The following ADAMTSL1 variants were observed in gnomAD, a reference collection of about 807,000 sequenced individuals.
ADAMTSL1 encodes the protein ADAMTS-like protein 1.
A neutral mutation model predicts 201.8 loss-of-function variants in ADAMTSL1; 126 were observed. The observed-to-expected ratio is 0.62, with a 90% confidence interval of 0.54 to 0.72. The LOEUF is 0.72. ADAMTSL1 is among the 30% of genes least tolerant of loss of function. The pLI is 0.00. For synonymous variants in ADAMTSL1, 1,121 were observed against 903.4 expected, an observed-to-expected ratio of 1.24 and a Z score of -4.32; for missense variants, 2,679 against 2,277.8, an observed-to-expected ratio of 1.18 and a Z score of -3.59.
chr9:18,623,129 C>T (rs1303259772), intron 5 of ADAMTSL1, among the ~76,000 whole-genome samples: 1 of 151,986 alleles, frequency 6.6e-6, no homozygotes, highest in Non-Finnish European at 1.5e-5. Flanking sequence ...CTCCTGACCT[C>T]AAGTGATCCA....
intron 3 of ADAMTSL1, among the ~76,000 whole-genome samples, chr9:18,562,655 T>A (rs2060239619): frequency 6.6e-6 from 1 of 152,230 alleles, no homozygotes; most frequent in South Asian, 2.1e-4. Context: ...GGTACACCAG[T>A]CAAACATAGG....
At chr9:18,233,107 C>T (rs1244464342) in intron 2 of ADAMTSL1, among the ~76,000 whole-genome samples, 1 of 152,168 alleles carries the variant, frequency 6.6e-6, no homozygotes, top group Admixed American at 6.5e-5. Flanking sequence ...ATAACTCAGA[C>T]TCCAGAAACT....
chr9:18,862,281 C>G (rs1243058797), intron 23 of ADAMTSL1, among the ~76,000 whole-genome samples: 1 of 152,146 alleles, frequency 6.6e-6, no homozygotes, highest in Non-Finnish European at 1.5e-5. Context: ...GGCTCTCACC[C>G]AAAATCAGAG....
intron 16 of ADAMTSL1, among the ~76,000 whole-genome samples, chr9:18,755,041 C>T (rs879848679): frequency 2.0e-5 from 3 of 152,150 alleles, no homozygotes; most frequent in South Asian, 2.1e-4. Context: ...CTATCAACTC[C>T]GTCTTATGTG....
intron 19 of ADAMTSL1, 119 bp from the exon 20 acceptor site, chr9:18,795,278 C>G: frequency 1.5e-6 from 2 of 1,331,304 alleles, no homozygotes; most frequent in Non-Finnish European, 2.1e-6. Context: ...TGGTTTGTCT[C>G]TGTTGTTAAA....
chr9:18,178,308 G>A (rs981045500), intron 2 of ADAMTSL1, among the ~76,000 whole-genome samples: 5 of 151,506 alleles, frequency 3.3e-5, no homozygotes, highest in Non-Finnish European at 5.9e-5. Context: ...CAAATACTGC[G>A]CTTTTCCGAC....
At chr9:18,364,616 A>G (rs572199409) in intron 2 of ADAMTSL1, among the ~76,000 whole-genome samples, 84 of 151,024 alleles carry the variant, frequency 5.6e-4, no homozygotes, top group Middle Eastern at 3.4e-3. Context: ...TACCAGATAC[A>G]GAATAACATG....
At chr9:18,526,025 C>T (rs531882632) in intron 2 of ADAMTSL1, among the ~76,000 whole-genome samples, 3 of 152,100 alleles carry the variant, frequency 2.0e-5, no homozygotes, top group South Asian at 4.2e-4. Flanking sequence ...TTGATCTGTC[C>T]AATGTTGACA....
chr9:18,656,633 A>AG (rs1227676559), intron 7 of ADAMTSL1, among the ~76,000 whole-genome samples: 2 of 151,122 alleles, frequency 1.3e-5, no homozygotes, highest in Non-Finnish European at 3.0e-5. Flanking sequence ...CATCGCAAAA[A>AG]AAAAAAAAAA....
At chr9:18,696,754 T>A (rs560037430) in intron 13 of ADAMTSL1, among the ~76,000 whole-genome samples, 33 of 152,230 alleles carry the variant, frequency 2.2e-4, no homozygotes, top group Admixed American at 7.2e-4. Flanking sequence ...AATCATTGTA[T>A]TCCAATATTA....
chr9:18,484,738 G>T (rs994976596), intron 1 of ADAMTSL1, among the ~76,000 whole-genome samples: 68 of 152,308 alleles, frequency 4.5e-4, no homozygotes, highest in African/African-American at 1.6e-3. Flanking sequence ...TGTCTTGGCT[G>T]CAGGCTCCAG....
intron 4 of ADAMTSL1, among the ~76,000 whole-genome samples, chr9:18,599,585 G>A (rs1212139540): frequency 2.6e-5 from 4 of 152,114 alleles, no homozygotes; most frequent in African/African-American, 9.7e-5. Context: ...CATTTTCCCA[G>A]TAGTAGTCTC....
chr9:18,621,646 G>A lies in ADAMTSL1; in HGVS notation c.475-597G>A, dbSNP rs531702407. Among the ~76,000 whole-genome samples the A allele has an allele frequency of 2.6e-5, 4 of 151,546 alleles. No individual in the cohort carries two copies. The East Asian group carries it at 7.8e-4, about 30-fold the overall frequency. ...TGATTCTCTCCTCTTTTTTAAGCTG[G>A]AGTACTAGCTAGAAAAGGAAGTATT... On this transcript the variant is annotated intron_variant, in intron 4 of 28. Transcript: ENST00000380548.
chr9:18,903,295 A>G (rs1830114052), intron 26 of ADAMTSL1, among the ~76,000 whole-genome samples: 1 of 152,266 alleles, frequency 6.6e-6, no homozygotes, highest in Non-Finnish European at 1.5e-5. Flanking sequence ...AGTGCTATAC[A>G]TCAATGAAAA....
At chr9:18,089,406 G>C (rs1241900660) in intron 1 of ADAMTSL1, among the ~76,000 whole-genome samples, 1 of 146,994 alleles carries the variant, frequency 6.8e-6, no homozygotes, top group Non-Finnish European at 1.5e-5. Context: ...ATAAGTGGGA[G>C]TTGAACAATG....
At chr9:18,551,052 C>G (rs189438448) in intron 3 of ADAMTSL1, among the ~76,000 whole-genome samples, 421 of 151,770 alleles carry the variant, frequency 2.8e-3, no homozygotes, top group African/African-American at 9.8e-3. Context: ...ACAGCCTTAC[C>G]AATTTAATAG....
At chr9:18,566,009 T>C (rs755268281) in intron 3 of ADAMTSL1, among the ~76,000 whole-genome samples, 7 of 152,202 alleles carry the variant, frequency 4.6e-5, no homozygotes, top group Non-Finnish European at 1.0e-4. Context: ...TTATGTTTCT[T>C]AATATTGGCC....
At chr9:17,957,275 A>T (rs530078863) in intron 1 of ADAMTSL1, among the ~76,000 whole-genome samples, 10 of 152,180 alleles carry the variant, frequency 6.6e-5, no homozygotes, top group African/African-American at 2.4e-4. Context: ...ATTGGAGTTG[A>T]CTCCCCAGAA....
intron 2 of ADAMTSL1, among the ~76,000 whole-genome samples, chr9:18,287,930 G>C (rs995725977): frequency 6.6e-6 from 1 of 152,090 alleles, no homozygotes; most frequent in Admixed American, 6.6e-5. Flanking sequence ...GATAAGCTCA[G>C]CTTAGCAAAT....
Sources: allele counts gnomAD v4.1 joint callset (sites outside exome capture counted in the v4.1 genomes callset), GRCh38; gene constraint gnomAD v4.1.1; transcripts MANE v1.5; gene names NCBI Gene and HGNC (gene_info 2026-07-23, HGNC 2026-07-21).